The following CBLN2 variants were observed in gnomAD, a reference collection of about 807,000 sequenced individuals.
CBLN2 encodes the protein cerebellin-2.
In CBLN2, 7 loss-of-function variants were observed where a neutral mutation model predicts 15.0. The observed-to-expected ratio is 0.47, with a 90% confidence interval of 0.27 to 0.88. CBLN2 has a LOEUF of 0.88. Ranked by LOEUF, CBLN2 falls within the 40% of genes least tolerant of loss-of-function variation. The pLI, the probability that CBLN2 is intolerant of heterozygous loss-of-function variation, is 0.14. For synonymous variants in CBLN2, 149 were observed against 135.2 expected (o/e 1.10, Z -0.71); for missense variants, 242 against 304.5 (o/e 0.79, Z 1.53).
chr18:72,623,687 G>C (rs2078774065), intron 1 of CBLN2, among the ~76,000 whole-genome samples: 1 of 152,094 alleles, frequency 6.6e-6, no homozygotes, highest in Admixed American at 6.6e-5. Flanking sequence ...AATGTAGTTT[G>C]AAGAAATGCT....
At chr18:72,591,650 A>G (rs1599013818) in intron 1 of CBLN2, among the ~76,000 whole-genome samples, 1 of 151,924 alleles carries the variant, frequency 6.6e-6, no homozygotes, top group African/African-American at 2.4e-5. Context: ...TGTCCCCACT[A>G]CCCTTCCCAG....
intron 1 of CBLN2, among the ~76,000 whole-genome samples, chr18:72,565,373 T>TATTTCTAGTATGAAGGTTAAAAATCAG (rs2069287975): frequency 1.3e-5 from 2 of 152,126 alleles, no homozygotes; most frequent in Non-Finnish European, 2.9e-5. Flanking sequence ...CTAGTATAAA[T>TATTTCTAGTATGAAGGTTAAAAATCAG]ATTTCTAGTA....
At chr18:72,555,052 T>C (rs532091094) in intron 1 of CBLN2, among the ~76,000 whole-genome samples, 2 of 150,782 alleles carry the variant, frequency 1.3e-5, no homozygotes, top group African/African-American at 2.4e-5. Context: ...GGAGAATCAC[T>C]TGAACCCAGG....
intron 1 of CBLN2, among the ~76,000 whole-genome samples, chr18:72,559,423 G>A (rs1189492491): frequency 1.3e-5 from 2 of 152,222 alleles, no homozygotes; most frequent in South Asian, 4.1e-4. Context: ...GCCAGGCTCA[G>A]AGCACACATC....
At chr18:72,619,163 C>A (rs1307255804) in intron 1 of CBLN2, 2 of 763,012 alleles carry the variant, frequency 2.6e-6, no homozygotes, top group Non-Finnish European at 4.6e-6. Context: ...AACCACAAAA[C>A]CAAGGTGGCT....
At chr18:72,613,147 C>T (rs759849936) in intron 1 of CBLN2, among the ~76,000 whole-genome samples, 1 of 152,218 alleles carries the variant, frequency 6.6e-6, no homozygotes, top group Non-Finnish European at 1.5e-5. Context: ...GCCCATCTTA[C>T]TCCACTATTA....
chr18:72,538,643 A>G lies in CBLN2; in HGVS notation c.477+10T>C. 1 of 1,613,438 alleles carries G rather than the reference A, an allele frequency of 6.2e-7. No individual in the cohort carries two copies. The highest frequency in any genetic ancestry group is 8.5e-7 in the Non-Finnish European group (1 of 1,179,716). On this transcript the variant is annotated intron_variant, in intron 4 of 4. Transcript: ENST00000269503. ...CAAACCTGAAAGGATCCAGTTTCAA[A>G]TCTACCCACCTGGATGGTTTGTCTG... is the stretch of plus-strand genomic sequence containing the variant.
chr18:72,578,445 T>C (rs2069382122), intron 1 of CBLN2, among the ~76,000 whole-genome samples: 1 of 152,146 alleles, frequency 6.6e-6, no homozygotes, highest in Admixed American at 6.5e-5. Context: ...TTGAAGTCAT[T>C]CCATAAGGAA....
intron 1 of CBLN2, among the ~76,000 whole-genome samples, chr18:72,630,371 C>A (rs2069766860): frequency 6.6e-6 from 1 of 152,100 alleles, no homozygotes; most frequent in Non-Finnish European, 1.5e-5. Context: ...CTATCTCTTT[C>A]ATTACACAGC....
At position 72,561,018 on chromosome 18, in the gene CBLN2, A is replaced by G. The variant is rs192915307; in HGVS notation, c.16-22246T>C. Reference sequence around the variant, plus strand: ...AGCGAGACTCCGTCTCAAAAAAAATAAAGAAAGAAAAATAAAAATAAATAA... The same window carrying G: ...AGCGAGACTCCGTCTCAAAAAAAATGAAGAAAGAAAAATAAAAATAAATAA... On this transcript the variant is annotated intron_variant, in intron 1 of 2. Coordinates refer to the CBLN2 transcript ENST00000581073. Among the ~76,000 whole-genome samples the G allele has an allele frequency of 1.7e-4, 26 of 152,302 alleles. No homozygotes were observed. In the East Asian group the frequency reaches 4.6e-3, roughly 27 times the overall value.
chr18:72,556,553 T>C (rs1046842777), intron 1 of CBLN2, among the ~76,000 whole-genome samples: 1 of 152,200 alleles, frequency 6.6e-6, no homozygotes, highest in Non-Finnish European at 1.5e-5. Context: ...TTGGTGTGGT[T>C]GGAGGAAGAG....
chr18:72,548,762 A>G (rs1042750429), upstream of CBLN2, among the ~76,000 whole-genome samples: 3 of 152,156 alleles, frequency 2.0e-5, no homozygotes, highest in African/African-American at 7.2e-5. Flanking sequence ...TGCACGCAGC[A>G]TCTGTTTTCC....
intron 1 of CBLN2, among the ~76,000 whole-genome samples, chr18:72,556,453 A>G (rs555393820): frequency 1.4e-4 from 21 of 152,374 alleles, no homozygotes; most frequent in African/African-American, 4.6e-4. Context: ...AAAGAGCAGA[A>G]GGAAGGAAGG....
At chr18:72,623,874 A>C (rs1007843630) in intron 1 of CBLN2, among the ~76,000 whole-genome samples, 17 of 152,156 alleles carry the variant, frequency 1.1e-4, no homozygotes, top group African/African-American at 3.9e-4. Flanking sequence ...GAGTTCAACT[A>C]CTGGATCTTT....
intron 1 of CBLN2, among the ~76,000 whole-genome samples, chr18:72,616,466 T>C (rs918984045): frequency 6.6e-6 from 1 of 152,186 alleles, no homozygotes; most frequent in Admixed American, 6.5e-5. Flanking sequence ...TTGTGCTCTG[T>C]TTCTCATTGG....
intron 1 of CBLN2, among the ~76,000 whole-genome samples, chr18:72,610,204 C>T (rs76091461): frequency 0.017 from 2,617 of 152,154 alleles, 53 homozygotes; most frequent in African/African-American, 0.041. Context: ...AGCCTCAGCG[C>T]ACTCCTCTCC....
chr18:72,635,377 A>G (rs1480365120), intron 1 of CBLN2, among the ~76,000 whole-genome samples: 1 of 152,188 alleles, frequency 6.6e-6, no homozygotes, highest in African/African-American at 2.4e-5. Flanking sequence ...CTTATATTCT[A>G]CAGGATGGAG....
At chr18:72,572,109 T>G (rs2069336119) in intron 1 of CBLN2, among the ~76,000 whole-genome samples, 1 of 152,190 alleles carries the variant, frequency 6.6e-6, no homozygotes. Flanking sequence ...ATCTAGGGTT[T>G]GGGCTCTGAA....
intron 3 of CBLN2, among the ~76,000 whole-genome samples, chr18:72,541,464 C>A (rs1399826681): frequency 6.6e-6 from 1 of 152,170 alleles, no homozygotes. Flanking sequence ...ATCAACCACA[C>A]CGCCGTGAAA....
Sources: gnomAD v4.1 joint callset for allele counts (sites outside exome capture counted in the v4.1 genomes callset) on GRCh38, gnomAD v4.1.1 for gene constraint, MANE v1.5 for transcripts, NCBI Gene and HGNC (gene_info 2026-07-23, HGNC 2026-07-21) for gene names.